The following CNTNAP2 variants were observed in gnomAD, a reference collection of about 807,000 sequenced individuals.
CNTNAP2 encodes the protein contactin associated protein 2.
CNTNAP2 carries 98 observed loss-of-function variants against 155.2 expected under a neutral mutation model. That is an observed-to-expected ratio of 0.63 (90% confidence interval 0.54 to 0.75). The LOEUF (loss-of-function observed/expected upper bound fraction) is 0.75. CNTNAP2 is among the 30% of genes least tolerant of loss of function. CNTNAP2 has a pLI of 0.00. For missense variants in CNTNAP2, 1,727 were observed against 1,688.1 expected (o/e 1.02, Z -0.40); for synonymous variants, 651 against 631.2 (o/e 1.03, Z -0.47).
chr7:146,819,537 G>A (rs1207510995), intron 2 of CNTNAP2, among the ~76,000 whole-genome samples: 3 of 151,812 alleles, frequency 2.0e-5, no homozygotes, highest in South Asian at 4.2e-4. Context: ...ATCAAGTCTT[G>A]GACAGCACTT....
intron 2 of CNTNAP2, among the ~76,000 whole-genome samples, chr7:146,793,920 ATG>A (rs1388063656): frequency 6.6e-6 from 1 of 152,190 alleles, no homozygotes; most frequent in Non-Finnish European, 1.5e-5. Context: ...GGACTCTAGG[ATG>A]TGTCTTACTT....
At chr7:148,087,058 T>G (rs1803745767) in intron 15 of CNTNAP2, among the ~76,000 whole-genome samples, 1 of 152,160 alleles carries the variant, frequency 6.6e-6, no homozygotes. Context: ...AATTTCCTCC[T>G]AGGAGATAAT....
intron 13 of CNTNAP2, among the ~76,000 whole-genome samples, chr7:147,825,141 A>G (rs796940577): frequency 1.7e-4 from 26 of 152,334 alleles, no homozygotes; most frequent in African/African-American, 5.5e-4. Flanking sequence ...AGTTACTTTC[A>G]TCCTTTGAAA....
At chr7:148,057,295 G>C (rs1803036580) in intron 15 of CNTNAP2, among the ~76,000 whole-genome samples, 1 of 152,170 alleles carries the variant, frequency 6.6e-6, no homozygotes, top group Admixed American at 6.5e-5. Flanking sequence ...GAGTGTCCCA[G>C]GTCTCCATGA....
rs556719217 is a variant in CNTNAP2 at position 148,244,668 on chromosome 7, T to A, written c.3381+14889T>A. Among the ~76,000 whole-genome samples the A allele has an allele frequency of 2.4e-4, 37 of 151,880 alleles. No individual in the cohort carries two copies. The East Asian group carries it at 6.8e-3, about 28-fold the overall frequency. On this transcript the variant is annotated intron_variant, in intron 20 of 23. Transcript: ENST00000361727. ...GCCTCCGCCTCCTGGGCTCAAGCGA[T>A]CCTCCTGCCTCAGCCTCCCGAGTAG...
intron 8 of CNTNAP2, among the ~76,000 whole-genome samples, chr7:147,156,413 A>C (rs150344976): frequency 6.6e-6 from 1 of 152,306 alleles, no homozygotes; most frequent in East Asian, 1.9e-4. Flanking sequence ...CATTTAAATA[A>C]ACCTCACAAA....
chr7:147,795,149 CT>C (rs910095377), intron 13 of CNTNAP2, among the ~76,000 whole-genome samples: 4 of 151,708 alleles, frequency 2.6e-5, no homozygotes, highest in East Asian at 1.9e-4. Flanking sequence ...GTTTGCTCCT[CT>C]TTTTTTAATG....
intron 1 of CNTNAP2, among the ~76,000 whole-genome samples, chr7:146,681,026 A>G (rs1800492317): frequency 6.6e-6 from 1 of 152,180 alleles, no homozygotes; most frequent in Non-Finnish European, 1.5e-5. Context: ...AGCCAGAGCT[A>G]CTAATTTCCA....
At chr7:148,158,580 G>T (rs1805451087) in intron 17 of CNTNAP2, among the ~76,000 whole-genome samples, 1 of 152,116 alleles carries the variant, frequency 6.6e-6, no homozygotes, top group Non-Finnish European at 1.5e-5. Context: ...TACTTTTAAT[G>T]TCTTTTGAGC....
intron 9 of CNTNAP2, among the ~76,000 whole-genome samples, chr7:147,379,279 A>G (rs1221404431): frequency 6.6e-6 from 1 of 152,108 alleles, no homozygotes; most frequent in Non-Finnish European, 1.5e-5. Context: ...ATTTTACTTC[A>G]AATAATTTAT....
intron 15 of CNTNAP2, among the ~76,000 whole-genome samples, chr7:148,023,509 T>C (rs1192386242): frequency 6.6e-6 from 1 of 152,180 alleles, no homozygotes; most frequent in South Asian, 2.1e-4. Flanking sequence ...TTTGCCTGAA[T>C]TGGGAAAGAA....
intron 13 of CNTNAP2, among the ~76,000 whole-genome samples, chr7:147,876,067 A>G (rs930711328): frequency 5.9e-5 from 9 of 152,226 alleles, no homozygotes; most frequent in Non-Finnish European, 1.2e-4. Flanking sequence ...TTGGGACCCA[A>G]ATAAGTTCCA....
chr7:146,206,034 C>G (rs1353814773), intron 1 of CNTNAP2, among the ~76,000 whole-genome samples: 1 of 151,866 alleles, frequency 6.6e-6, no homozygotes, highest in Admixed American at 6.6e-5. Flanking sequence ...AGGCAGAATT[C>G]TGTTTTGTCG....
intron 12 of CNTNAP2, among the ~76,000 whole-genome samples, chr7:147,563,307 A>G (rs1362792313): frequency 2.6e-5 from 4 of 152,148 alleles, no homozygotes; most frequent in Non-Finnish European, 5.9e-5. Flanking sequence ...ATTGGATGAA[A>G]AAATTTAAAG....
chr7:146,937,095 A>C (rs1361883048), intron 3 of CNTNAP2, among the ~76,000 whole-genome samples: 1 of 151,998 alleles, frequency 6.6e-6, no homozygotes, highest in Non-Finnish European at 1.5e-5. Flanking sequence ...GGGATTTAGA[A>C]AGTGAAAACC....
At chr7:147,639,575 A>G (rs1008233798) in intron 13 of CNTNAP2, among the ~76,000 whole-genome samples, 8 of 152,236 alleles carry the variant, frequency 5.3e-5, no homozygotes, top group Non-Finnish European at 7.3e-5. Flanking sequence ...AACTGTCAGT[A>G]GTGGCTGTGG....
intron 13 of CNTNAP2, among the ~76,000 whole-genome samples, chr7:147,725,250 C>T (rs1796623746): frequency 6.6e-6 from 1 of 151,798 alleles, no homozygotes; most frequent in African/African-American, 2.4e-5. Flanking sequence ...GAATTTAAAC[C>T]CATTGTTTAA....
At chr7:147,294,319 T>A (rs1359709307) in intron 8 of CNTNAP2, among the ~76,000 whole-genome samples, 2 of 152,244 alleles carry the variant, frequency 1.3e-5, no homozygotes, top group Non-Finnish European at 2.9e-5. Context: ...TCATTCTCAC[T>A]TTTTAGAAAT....
chr7:147,603,852 T>A (rs1274988611), intron 12 of CNTNAP2, among the ~76,000 whole-genome samples: 1 of 152,140 alleles, frequency 6.6e-6, no homozygotes, highest in Non-Finnish European at 1.5e-5. Flanking sequence ...CAAAACAGCA[T>A]GGTACTGGTA....
Sources: allele counts gnomAD v4.1 joint callset (sites outside exome capture counted in the v4.1 genomes callset), GRCh38; gene constraint gnomAD v4.1.1; transcripts MANE v1.5; gene names NCBI Gene and HGNC (gene_info 2026-07-23, HGNC 2026-07-21).